LRMDA: variants seen among roughly 807,000 people sequenced by gnomAD.
LRMDA encodes leucine-rich melanocyte differentiation-associated protein.
A neutral mutation model predicts 29.8 loss-of-function variants in LRMDA; 18 were observed. The observed-to-expected ratio is 0.60, with a 90% confidence interval of 0.42 to 0.90. The LOEUF is 0.90. Among genes scored for constraint, LRMDA ranks in the 40% least tolerant of loss-of-function variants. The probability of loss-of-function intolerance (pLI) is 0.00; values close to 1 mark genes in which losing one functional copy is unlikely to be tolerated. For synonymous variants in LRMDA, 125 were observed against 109.4 expected (o/e 1.14, Z -0.89); for missense variants, 273 against 273.9 (o/e 1.00, Z 0.02).
intron 1 of LRMDA, among the ~76,000 whole-genome samples, chr10:75,435,143 C>T (rs1844249806): frequency 6.6e-6 from 1 of 152,198 alleles, no homozygotes; most frequent in Non-Finnish European, 1.5e-5. Flanking sequence ...AATCTTTGTT[C>T]CTCAATGCAG....
chr10:75,761,305 G>C (rs77973056), intron 2 of LRMDA, among the ~76,000 whole-genome samples: 2,746 of 152,198 alleles, frequency 0.018, 78 homozygotes, highest in African/African-American at 0.064. Context: ...CAGATGAATG[G>C]ATAAACAAAA....
intron 2 of LRMDA, among the ~76,000 whole-genome samples, chr10:75,823,137 C>T (rs112374982): frequency 6.6e-6 from 1 of 152,190 alleles, no homozygotes; most frequent in African/African-American, 2.4e-5. Context: ...AACCAAAAAG[C>T]TTATGCACAG....
intron 5 of LRMDA, among the ~76,000 whole-genome samples, chr10:76,254,340 C>CATACCATACCATACCATACCATCCT (rs759692334): frequency 2.2e-5 from 2 of 90,202 alleles, no homozygotes; most frequent in African/African-American, 6.7e-5. Context: ...CATACCATAC[C>CATACCATACCATACCATACCATCCT]ATCCTATCCT....
At chr10:75,709,163 A>C (rs952630462) in intron 2 of LRMDA, among the ~76,000 whole-genome samples, 5 of 152,204 alleles carry the variant, frequency 3.3e-5, no homozygotes, top group Admixed American at 6.5e-5. Flanking sequence ...AAATGTTTTC[A>C]AAACTAAGCA....
intron 5 of LRMDA, among the ~76,000 whole-genome samples, chr10:76,271,833 T>C (rs569584983): frequency 1.4e-4 from 22 of 152,354 alleles, no homozygotes; most frequent in African/African-American, 5.3e-4. Flanking sequence ...TTACTTCCCC[T>C]CGCCTTCTTG....
intron 2 of LRMDA, among the ~76,000 whole-genome samples, chr10:75,658,340 A>AG (rs1007025907): frequency 2.0e-5 from 3 of 152,094 alleles, no homozygotes; most frequent in Non-Finnish European, 2.9e-5. Context: ...GGTGAAAAAA[A>AG]TGATTCAAAG....
intron 2 of LRMDA, among the ~76,000 whole-genome samples, chr10:75,959,220 T>G (rs1015119877): frequency 6.6e-6 from 1 of 152,150 alleles, no homozygotes; most frequent in African/African-American, 2.4e-5. Flanking sequence ...TCCCCAGTCT[T>G]CATGGAGGAG....
intron 2 of LRMDA, among the ~76,000 whole-genome samples, chr10:75,913,511 A>T (rs1349202803): frequency 6.6e-6 from 1 of 152,038 alleles, no homozygotes; most frequent in Non-Finnish European, 1.5e-5. Context: ...CTTTAAACGA[A>T]ATGAAAACAT....
chr10:75,880,161 A>G (rs892347949), intron 2 of LRMDA, among the ~76,000 whole-genome samples: 4 of 152,166 alleles, frequency 2.6e-5, no homozygotes, highest in African/African-American at 9.7e-5. Flanking sequence ...TTAAAACCCA[A>G]TATATGGAAA....
intron 2 of LRMDA, among the ~76,000 whole-genome samples, chr10:75,702,392 G>A (rs1842319317): frequency 6.6e-6 from 1 of 152,150 alleles, no homozygotes; most frequent in Non-Finnish European, 1.5e-5. Context: ...ATAGTAGCTG[G>A]CACCTAATAC....
chr10:75,528,899 T>C (rs996251340), intron 2 of LRMDA, among the ~76,000 whole-genome samples: 6 of 151,674 alleles, frequency 4.0e-5, no homozygotes, highest in African/African-American at 1.5e-4. Flanking sequence ...ACGAGCAATA[T>C]GTACAGAATA....
chr10:75,909,173 T>G (rs1325194083), intron 2 of LRMDA, among the ~76,000 whole-genome samples: 1 of 152,174 alleles, frequency 6.6e-6, no homozygotes, highest in Non-Finnish European at 1.5e-5. Context: ...AGTGAAAATA[T>G]TTTACCCTAG....
chr10:76,156,389 T>C (rs1850538162), intron 5 of LRMDA, among the ~76,000 whole-genome samples: 1 of 152,130 alleles, frequency 6.6e-6, no homozygotes, highest in African/African-American at 2.4e-5. Flanking sequence ...TCTTCATAAA[T>C]TAGACCCAGC....
chr10:75,785,709 A>G (rs1196566316), intron 2 of LRMDA, among the ~76,000 whole-genome samples: 1 of 152,226 alleles, frequency 6.6e-6, no homozygotes, highest in East Asian at 1.9e-4. Flanking sequence ...AAGGTATTTA[A>G]GAGCCCCACT....
intron 2 of LRMDA, among the ~76,000 whole-genome samples, chr10:75,634,756 A>G (rs955522405): frequency 3.3e-5 from 5 of 152,254 alleles, no homozygotes; most frequent in African/African-American, 1.2e-4. Context: ...AATCAATTAG[A>G]GTTATATAAA....
At chr10:76,072,256 A>G (rs1848887505) in intron 5 of LRMDA, among the ~76,000 whole-genome samples, 1 of 152,174 alleles carries the variant, frequency 6.6e-6, no homozygotes, top group Non-Finnish European at 1.5e-5. Flanking sequence ...GGCCCTGGAC[A>G]GGGAGTCCAG....
At chr10:76,428,551 C>T (rs1842154776) in intron 6 of LRMDA, among the ~76,000 whole-genome samples, 1 of 152,154 alleles carries the variant, frequency 6.6e-6, no homozygotes, top group East Asian at 1.9e-4. Context: ...GACCAGAAAA[C>T]ACAGAGACTT....
intron 2 of LRMDA, among the ~76,000 whole-genome samples, chr10:75,938,571 C>A (rs1331672526): frequency 6.6e-6 from 1 of 152,168 alleles, no homozygotes; most frequent in Non-Finnish European, 1.5e-5. Context: ...TCCCTGCCTT[C>A]CCCCTACCTC....
chr10:75,571,983 C>T (rs1840442734), intron 2 of LRMDA, among the ~76,000 whole-genome samples: 2 of 152,112 alleles, frequency 1.3e-5, no homozygotes, highest in Non-Finnish European at 1.5e-5. Context: ...GAAATGGAGT[C>T]TCGCTCTGTC....
Sources: allele counts gnomAD v4.1 joint callset (sites outside exome capture counted in the v4.1 genomes callset), GRCh38; gene constraint gnomAD v4.1.1; transcripts MANE v1.5; gene names NCBI Gene and HGNC (gene_info 2026-07-23, HGNC 2026-07-21).